The following JAKMIP3 variants were observed in gnomAD, a reference collection of about 807,000 sequenced individuals.
JAKMIP3 encodes the protein janus kinase and microtubule-interacting protein 3.
Under a neutral mutation model 118.5 loss-of-function variants are expected in JAKMIP3, and 58 were observed. The observed-to-expected ratio is 0.49, with a 90% CI of 0.40 to 0.61. The LOEUF is 0.61. Among genes scored for constraint, JAKMIP3 ranks in the 20% least tolerant of loss-of-function variants. The pLI is 0.00. For synonymous variants in JAKMIP3, 486 were observed against 451.2 expected (o/e 1.08, Z -0.98); for missense variants, 950 against 1,109.0 (o/e 0.86, Z 2.04).
intron 1 of JAKMIP3, among the ~76,000 whole-genome samples, chr10:132,089,079 G>T (rs2042783141): frequency 6.6e-6 from 1 of 152,210 alleles, no homozygotes; most frequent in African/African-American, 2.4e-5. Context: ...CTCTGTTTTG[G>T]TACCAGTACC....
At chr10:132,180,606 T>TGTGTGCGC (rs1554962947) in intron 23 of JAKMIP3, among the ~76,000 whole-genome samples, 1 of 24,800 alleles carries the variant, frequency 4.0e-5, no homozygotes, top group African/African-American at 2.4e-4. Context: ...TGCGTGCGCG[T>TGTGTGCGC]GTGTGTGTGC....
intron 1 of JAKMIP3, among the ~76,000 whole-genome samples, chr10:132,094,253 T>G: frequency 6.6e-6 from 1 of 152,160 alleles, no homozygotes. Flanking sequence ...GAATTCTTTT[T>G]TAGGTAAGTC....
chr10:132,140,585 G>A lies in JAKMIP3; in HGVS notation c.1473+6G>A, dbSNP rs370170942. The A allele has an allele frequency of 3.0e-5, 42 of 1,408,604 alleles. No individual in the cohort carries two copies. The highest frequency in any genetic ancestry group is 3.9e-5 in the South Asian group (3 of 76,544). The allele number at this position is 1,408,604 out of a possible 1,614,324, so 87.3% of individuals were successfully genotyped here. ...CGGACGATGACTTGGAGGAGGTAAC[G>A]AGGGTCTCCTGCCGGGTCCTGGGCT... On this transcript the variant is annotated splice_donor_region_variant and intron_variant, in intron 10 of 23. Coordinates refer to ENST00000684848, the MANE Select transcript of JAKMIP3 (RefSeq NM_001323087.2).
Position 132,133,496 on chromosome 10 carries a change from C to T in JAKMIP3, c.818C>T (p.Ala273Val), listed in dbSNP as rs773877735. The T allele has an allele frequency of 6.3e-7, 1 of 1,575,896 alleles. No homozygotes were observed. Among genetic ancestry groups the T allele is most frequent in the Non-Finnish European group, 8.6e-7 (1 of 1,161,646 alleles). ...PRRELPHAAG[A>V]GDASDHSGSP... Reference sequence around the variant, plus strand: ...CGGGAACTTCCTCATGCAGCTGGTGCAGGAGACGCTTCAGACCACTCGGGA... The same window carrying T: ...CGGGAACTTCCTCATGCAGCTGGTGTAGGAGACGCTTCAGACCACTCGGGA... The change falls in exon 4 of 24, where the codon GCA becomes GTA. Residue 273 changes from alanine (A) to valine (V), a missense_variant. Coordinates refer to ENST00000684848, the MANE Select transcript of JAKMIP3 (RefSeq NM_001323087.2).
intron 1 of JAKMIP3, among the ~76,000 whole-genome samples, chr10:132,097,396 G>C (rs1356508557): frequency 6.6e-6 from 1 of 152,148 alleles, no homozygotes; most frequent in Non-Finnish European, 1.5e-5. Context: ...AGGTTGAGCT[G>C]TGGGTGCCCA....
At chr10:132,155,918 G>A (rs943124724) in intron 19 of JAKMIP3, among the ~76,000 whole-genome samples, 1 of 152,148 alleles carries the variant, frequency 6.6e-6, no homozygotes, top group African/African-American at 2.4e-5. Flanking sequence ...TGTGCAGCAC[G>A]GAGCATGTCT....
intron 23 of JAKMIP3, among the ~76,000 whole-genome samples, chr10:132,178,154 G>A (rs1290281511): frequency 1.3e-5 from 2 of 152,276 alleles, no homozygotes; most frequent in African/African-American, 2.4e-5. Flanking sequence ...ATCAGTAGGA[G>A]GGTGACCCAG....
chr10:132,112,151 C>T lies in JAKMIP3; in HGVS notation c.136-4926C>T, dbSNP rs915275015. 4.0e-5 allele frequency among the ~76,000 whole-genome samples: 6 copies of T among 151,898 alleles called. No homozygotes were observed. In the South Asian group the frequency reaches 6.2e-4, roughly 16 times the overall value. On this transcript the variant is annotated intron_variant, in intron 2 of 23. Coordinates refer to ENST00000684848, the MANE Select transcript of JAKMIP3 (RefSeq NM_001323087.2). This position sits in a 1 kb window ranked among gnomAD's most constrained non-coding sequence, Gnocchi z 4.3. ...GGCGAGGATGATGGGCACTGGGGGC[C>T]GGAGGACATCAAGGACTCTGCGTGA...
At chr10:132,135,280 T>C in intron 5 of JAKMIP3, 120 bp downstream of exon 5, 2 of 993,800 alleles carry the variant, frequency 2.0e-6, no homozygotes, top group Non-Finnish European at 2.9e-6. Flanking sequence ...GGACCGGCCT[T>C]GCGTCGAAGT....
Position 132,168,049 on chromosome 10 carries a change from G to A in JAKMIP3, c.*119G>A. ...CATCCTGAAGACCCAGGGAGATTTG[G>A]TCTCTGCACGCCCGTCCCGTGGAGG... is the stretch of plus-strand genomic sequence containing the variant. On this transcript the variant is annotated 3_prime_UTR_variant, in exon 23 of 24. Coordinates refer to ENST00000684848, the MANE Select transcript of JAKMIP3 (RefSeq NM_001323087.2). 7.8e-7 allele frequency: 1 copy of A among 1,289,612 alleles called. No individual in the cohort carries two copies. The highest frequency in any genetic ancestry group is 1.2e-5 in the South Asian group (1 of 81,030). 79.9% of individuals were successfully genotyped at this position (1,289,612 alleles called of 1,614,324 possible). A position where few individuals can be genotyped will look rare whatever the true frequency, so the allele number is the denominator to read the frequency against.
intron 2 of JAKMIP3, among the ~76,000 whole-genome samples, chr10:132,115,909 C>T (rs915790109): frequency 3.3e-5 from 5 of 152,254 alleles, no homozygotes; most frequent in African/African-American, 7.2e-5. Context: ...GAAGTATGGC[C>T]GTGTCCAGCC....
intron 2 of JAKMIP3, among the ~76,000 whole-genome samples, chr10:132,110,183 G>A (rs995664773): frequency 1.3e-5 from 2 of 152,212 alleles, no homozygotes; most frequent in African/African-American, 2.4e-5. Flanking sequence ...CCTGTAGCCT[G>A]GAGGGGACAG....
chr10:132,129,471 T>C (rs1394690355), intron 3 of JAKMIP3, among the ~76,000 whole-genome samples: 1 of 152,204 alleles, frequency 6.6e-6, no homozygotes, highest in Non-Finnish European at 1.5e-5. Flanking sequence ...GCATTCCTTT[T>C]CTGCCATTCC....
intron 23 of JAKMIP3, among the ~76,000 whole-genome samples, chr10:132,180,982 TGTGTA>T (rs1331188880): frequency 2.8e-4 from 42 of 149,146 alleles, no homozygotes; most frequent in South Asian, 6.3e-4. Flanking sequence ...TGGGCATGTG[TGTGTA>T]GTGTATTGTG....
chr10:132,172,824 GGGTGTGCTT>G (rs2059632156), intron 23 of JAKMIP3, among the ~76,000 whole-genome samples: 1 of 151,670 alleles, frequency 6.6e-6, no homozygotes. Flanking sequence ...CTCTGGACCT[GGGTGTGCTT>G]GTTGCTACTG....
intron 1 of JAKMIP3, among the ~76,000 whole-genome samples, chr10:132,076,073 A>G (rs1415512293): frequency 6.6e-6 from 1 of 152,204 alleles, no homozygotes; most frequent in Non-Finnish European, 1.5e-5. Flanking sequence ...ATCGTAGTGC[A>G]TTTACAGAGT....
intron 11 of JAKMIP3, chr10:132,144,173 T>G (rs1193175780): frequency 1.3e-5 from 2 of 151,668 alleles, no homozygotes; most frequent in African/African-American, 4.9e-5. Context: ...CACAGCAAAG[T>G]GAATTAAGGG....
Position 132,096,167 on chromosome 10 carries a change from C to A in JAKMIP3, c.-137-8505C>A, listed in dbSNP as rs545138795. ...GGGAGCAGTAGACAATTGGTCTGGG[C>A]AGAAGCTAAGCTGTGTGTAAATCAT... On this transcript the variant is annotated intron_variant, in intron 1 of 23. Coordinates refer to ENST00000684848, the MANE Select transcript of JAKMIP3 (RefSeq NM_001323087.2). Among the ~76,000 whole-genome samples, 138 of 152,310 alleles carry A rather than the reference C, an allele frequency of 9.1e-4. 5 individuals are homozygous for A. In the South Asian group the frequency reaches 0.027, roughly 30 times the overall value.
chr10:132,134,350 T>C (rs1345887897), intron 4 of JAKMIP3, among the ~76,000 whole-genome samples: 1 of 152,136 alleles, frequency 6.6e-6, no homozygotes, highest in Non-Finnish European at 1.5e-5. Context: ...GAATAGAAAA[T>C]ATTATTTTAA....
Sources: gnomAD v4.1 joint callset for allele counts (sites outside exome capture counted in the v4.1 genomes callset) on GRCh38, gnomAD v4.1.1 for gene constraint, Gnocchi (gnomAD v3.1) non-coding constraint, MANE v1.5 for transcripts, NCBI Gene and HGNC (gene_info 2026-07-23, HGNC 2026-07-21) for gene names.